The following SERINC4 variants were observed in gnomAD, a reference collection of about 807,000 sequenced individuals.
SERINC4 encodes serine incorporator 4.
A neutral mutation model predicts 52.0 loss-of-function variants in SERINC4; 52 were observed. The observed-to-expected ratio is 1.00, with a 90% CI of 0.80 to 1.26. SERINC4 has a LOEUF of 1.26. SERINC4 is among the 50% of genes most tolerant of loss of function. The pLI is 0.00. For synonymous variants in SERINC4, 264 were observed against 247.7 expected (o/e 1.07, Z -0.62); for missense variants, 723 against 632.8 (o/e 1.14, Z -1.53).
At position 43,799,063 on chromosome 15, in the gene SERINC4, A is replaced by C; in HGVS notation, c.354T>G (p.Ala118=). The stretch of plus-strand genomic sequence containing the variant: ...CGGTTCCTGCACATACTCGGTACAC[A>C]GCCCCAGAGCCACTGAGCACTGGAC... ...SDCPVLSGSG[A]VYRVCAGTAT... Residue 118 remains alanine, a synonymous_variant, in exon 3 of 12, where the codon GCT becomes GCG. Coordinates refer to ENST00000319327, the MANE Select transcript of SERINC4 (RefSeq NM_001258031.2). The C allele has an allele frequency of 1.3e-6, 2 of 1,550,552 alleles. No individual in the cohort carries two copies. The highest frequency in any genetic ancestry group is 1.7e-6 in the Non-Finnish European group (2 of 1,146,994).
At chr15:43,798,823 G>C in intron 3 of SERINC4, 136 bp downstream of exon 3, 1 of 879,528 alleles carries the variant, frequency 1.1e-6, no homozygotes, top group Non-Finnish European at 1.8e-6. Context: ...TACACAGCAA[G>C]TACACGAGAA....
At chr15:43,796,505 A>T in intron 8 of SERINC4, 111 bp downstream of exon 8, 1 of 1,208,350 alleles carries the variant, frequency 8.3e-7, no homozygotes, top group Non-Finnish European at 1.2e-6. Flanking sequence ...AGCTTTTCTC[A>T]CTCTAGTCTT....
At position 43,794,940 on chromosome 15, in the gene SERINC4, C is replaced by T. The variant is rs948780561; in HGVS notation, c.*60G>A. ...TGAGGTATTGAGCTGGGCTGGACAG[C>T]TCCCCTTGAGCCAACTCTAGGAGTA... is the stretch of plus-strand genomic sequence containing the variant. On this transcript the variant is annotated 3_prime_UTR_variant, in exon 12 of 12. Transcript: ENST00000319327. 6.6e-6 allele frequency: 9 copies of T among 1,373,786 alleles called. No homozygotes were observed. The African/African-American group carries it at 1.0e-4, about 15-fold the overall frequency. 85.1% of individuals were successfully genotyped at this position (1,373,786 alleles called of 1,614,324 possible).
Position 43,797,316 on chromosome 15 carries a change from C to G in SERINC4, c.673G>C (p.Val225Leu), listed in dbSNP as rs1029884701. 1 of 1,549,018 alleles carries G rather than the reference C, an allele frequency of 6.5e-7. No individual in the cohort carries two copies. The highest frequency in any genetic ancestry group is 1.4e-5 in the African/African-American group (1 of 72,974). The change falls in exon 6 of 12, where the codon GTC (valine) becomes CTC (leucine). Residue 225 changes from valine (V) to leucine (L), a missense_variant. Physicochemically the swap from Val to Leu is conservative, Grantham distance 32. Transcript: ENST00000319327. The stretch of plus-strand genomic sequence containing the variant: ...TAGAATCCTAGGGTGGCCAGCAGGA[C>G]AGCCAGGAACCAGCTACAGTCTTGA... Reference protein sequence around the residue: ...AAQDCSWFLAVLLATLGFYSM... With the variant: ...AAQDCSWFLALLLATLGFYSM...
In SERINC4 at chr15:43,797,034, G is replaced by C. The variant is rs1348283131; in HGVS notation, c.845-94C>G. On this transcript the variant is annotated intron_variant, in intron 6 of 11. Coordinates refer to ENST00000319327, the MANE Select transcript of SERINC4 (RefSeq NM_001258031.2). ...CTTCTGTCTCCCCATCCTTTGGTGG[G>C]GATAGGGAAGCAGAGATTCTTTTAT... 15 of 1,452,348 alleles carry C rather than the reference G, an allele frequency of 1.0e-5. 1 individual carries two copies. The highest frequency in any genetic ancestry group is 2.3e-5 in the South Asian group (2 of 86,632). 90.0% of individuals were successfully genotyped at this position (1,452,348 alleles called of 1,614,324 possible). A position where few individuals can be genotyped will look rare whatever the true frequency, so the allele number is the denominator to read the frequency against.
rs1220925371 is a variant in SERINC4, at chr15:43,795,208, T to C, written c.1349A>G (p.Glu450Gly). 6.2e-7 allele frequency: 1 copy of C among 1,613,912 alleles called. No individual in the cohort carries two copies. The change falls in exon 12 of 12, where the codon GAG (glutamate) becomes GGG (glycine). Residue 450 changes from glutamate (E) to glycine (G), a missense_variant. Coordinates refer to ENST00000319327, the MANE Select transcript of SERINC4 (RefSeq NM_001258031.2). ...MVTLTNWFSYEGAELEKTFIK... is the reference protein window; with the variant it reads ...MVTLTNWFSYGGAELEKTFIK... ...GAAGGTCTTTTCCAGTTCTGCTCCC[T>C]CATAGCTGTGTAACCAAAGGCTCTG...
chr15:43,794,651 G>A lies in SERINC4; in HGVS notation c.*349C>T, dbSNP rs1012960891. 1.3e-5 allele frequency: 3 copies of A among 227,842 alleles called. 1 individual carries two copies. Among genetic ancestry groups the A allele is most frequent in the Non-Finnish European group, 2.6e-5 (3 of 114,472 alleles). 14.1% of individuals were successfully genotyped at this position (227,842 alleles called of 1,614,324 possible). A position where few individuals can be genotyped will look rare whatever the true frequency, so the allele number is the denominator to read the frequency against. On this transcript the variant is annotated 3_prime_UTR_variant, in exon 12 of 12. Coordinates refer to ENST00000319327, the MANE Select transcript of SERINC4 (RefSeq NM_001258031.2). ...TTTTCCTTTCTCCAAGGGCAGAGCCGAGTCTTCAGTCCCTGTTGGTCTTTC... is the reference window on the plus strand; with the variant it reads ...TTTTCCTTTCTCCAAGGGCAGAGCCAAGTCTTCAGTCCCTGTTGGTCTTTC...
At position 43,796,169 on chromosome 15, in the gene SERINC4, T is replaced by G. The variant is rs200740250; in HGVS notation, c.1126A>C (p.Ser376Arg). The change falls in exon 9 of 12, where the codon AGC becomes CGC. Residue 376 changes from serine (S) to arginine (R), a missense_variant. Physicochemically the swap from Ser to Arg is moderately radical, Grantham distance 110. Transcript: ENST00000319327. ...TTTATCCTCACCTGAAACTCATAGC[T>G]GTAAACCTTGACAATCCACAGGGGT... is the stretch of plus-strand genomic sequence containing the variant. Reference protein sequence around the residue: ...FGPLWIVKVYSYEFQKPSLCF... With the variant: ...FGPLWIVKVYRYEFQKPSLCF... 3.1e-6 allele frequency: 5 copies of G among 1,613,408 alleles called. No homozygotes were observed. Among genetic ancestry groups the G allele is most frequent in the African/African-American group, 2.7e-5 (2 of 74,902 alleles).
rs753830413 is a variant in SERINC4 at position 43,799,107 on chromosome 15, G to A, written c.310C>T (p.Leu104=). 1.3e-5 allele frequency: 20 copies of A among 1,550,092 alleles called. No homozygotes were observed. The African/African-American group carries it at 2.2e-4, about 17-fold the overall frequency. The change falls in exon 3 of 12, where the codon CTG becomes TTG. Residue 104 remains leucine, a synonymous_variant. Transcript: ENST00000319327. ...ACTGGACAGTCAGAGAGGCCAAACA[G>A]GTGGGCACACAACCCCGAGGGCATC... ...IQMPSGLCAH[L]FGLSDCPVLS...
At position 43,795,249 on chromosome 15, in the gene SERINC4, G is replaced by A. The variant is rs774329869; in HGVS notation, c.1344-36C>T. 3 of 1,607,844 alleles carry A rather than the reference G, an allele frequency of 1.9e-6. No homozygotes were observed. In the African/African-American group the frequency reaches 4.0e-5, roughly 22 times the overall value. On this transcript the variant is annotated intron_variant, in intron 11 of 11. Coordinates refer to ENST00000319327, the MANE Select transcript of SERINC4 (RefSeq NM_001258031.2). ...AAAGGCTCTGGTTAGAGAATATGAA[G>A]GGCCTTAGCTTTTAGACCTGTTCTA...
At position 43,794,993 on chromosome 15, in the gene SERINC4, A is replaced by G. The variant is rs1389853821; in HGVS notation, c.*7T>C. On this transcript the variant is annotated 3_prime_UTR_variant, in exon 12 of 12. Transcript: ENST00000319327. The stretch of plus-strand genomic sequence containing the variant: ...ATGTCAGGGGAACCCCAGTTTGTGA[A>G]AAGGACTTAGACTGGAGGATATTTG... 1 of 1,601,432 alleles carries G rather than the reference A, an allele frequency of 6.2e-7. No individual in the cohort carries two copies. Among genetic ancestry groups the G allele is most frequent in the South Asian group, 1.1e-5 (1 of 90,490 alleles).
At position 43,798,210 on chromosome 15, in the gene SERINC4, C is replaced by T. The variant is rs759854740; in HGVS notation, c.539-197G>A. 64 of 607,848 alleles carry T rather than the reference C, an allele frequency of 1.1e-4. No homozygotes were observed. In the Middle Eastern group the frequency reaches 1.3e-3, roughly 13 times the overall value. 37.7% of individuals were successfully genotyped at this position (607,848 alleles called of 1,614,324 possible). On this transcript the variant is annotated intron_variant, in intron 4 of 11. Transcript: ENST00000319327. ...GATTACAGGTGCGTGCCACCATGCC[C>T]GGCTAATATTTTGTATTTTTAGTAG...
At chr15:43,796,065 T>A in intron 9 of SERINC4, 90 bp downstream of exon 9, 1 of 950,010 alleles carries the variant, frequency 1.1e-6, no homozygotes, top group Non-Finnish European at 1.7e-6. Flanking sequence ...AGCTATAATC[T>A]GAGCATTCTG....
At chr15:43,796,363 A>G in intron 8 of SERINC4, 136 bp from the exon 9 acceptor site, 1 of 765,710 alleles carries the variant, frequency 1.3e-6, no homozygotes, top group Non-Finnish European at 2.2e-6. Flanking sequence ...AAAGATTTAG[A>G]ATTCTATTCA....
In SERINC4 at chr15:43,794,839, T is replaced by C. The variant is rs2087164711; in HGVS notation, c.*161A>G. ...GAGTCAGACACTCTGCCCAGCACATTAGACTGTGTTTGACCACTTCTTCCA... is the reference window on the plus strand; with the variant it reads ...GAGTCAGACACTCTGCCCAGCACATCAGACTGTGTTTGACCACTTCTTCCA... On this transcript the variant is annotated 3_prime_UTR_variant, in exon 12 of 12. Transcript: ENST00000319327. 8.0e-6 allele frequency: 5 copies of C among 624,928 alleles called. No homozygotes were observed. Among genetic ancestry groups the C allele is most frequent in the East Asian group, 8.0e-5 (3 of 37,604 alleles). 38.7% of individuals were successfully genotyped at this position (624,928 alleles called of 1,614,324 possible).
chr15:43,798,923 C>T lies in SERINC4; in HGVS notation c.458+36G>A, dbSNP rs1338289809. 1.9e-6 allele frequency: 3 copies of T among 1,546,906 alleles called. No individual in the cohort carries two copies. In the Admixed American group the frequency reaches 5.9e-5, roughly 30 times the overall value. On this transcript the variant is annotated intron_variant, in intron 3 of 11. Coordinates refer to ENST00000319327, the MANE Select transcript of SERINC4 (RefSeq NM_001258031.2). The stretch of plus-strand genomic sequence containing the variant: ...ACCCAGCCTATGTCTACTTTCCCTC[C>T]TCTGTCCCCTCCCCACCCAGAAAGT...
In SERINC4 at chr15:43,794,328, T is replaced by C. The variant is rs906735508; in HGVS notation, c.*672A>G. 9.3e-6 allele frequency: 2 copies of C among 214,164 alleles called. No homozygotes were observed. Among genetic ancestry groups the C allele is most frequent in the African/African-American group, 4.6e-5 (2 of 43,628 alleles). The allele number at this position is 214,164 out of a possible 1,614,324, so 13.3% of individuals were successfully genotyped here. ...AGGATGGAGTTGGCCTAAGAGTGAATGCTGCAAGATCTGTGTTTATGCCTC... is the reference window on the plus strand; with the variant it reads ...AGGATGGAGTTGGCCTAAGAGTGAACGCTGCAAGATCTGTGTTTATGCCTC... On this transcript the variant is annotated 3_prime_UTR_variant, in exon 12 of 12. Transcript: ENST00000319327.
At chr15:43,796,987 T>C in intron 6 of SERINC4, 47 bp from the exon 7 acceptor site, 1 of 1,544,526 alleles carries the variant, frequency 6.5e-7, no homozygotes, top group Non-Finnish European at 8.9e-7. Context: ...GGTAATTTCC[T>C]CCATTTCTAC....
chr15:43,797,291 T>C lies in SERINC4; in HGVS notation c.698A>G (p.Tyr233Cys), dbSNP rs1288067422. The change falls in exon 6 of 12, where the codon TAC becomes TGC. Residue 233 changes from tyrosine to cysteine, a missense_variant. Coordinates refer to ENST00000319327, the MANE Select transcript of SERINC4 (RefSeq NM_001258031.2). ...LAVLLATLGF[Y>C]SMAGVGAVLL... Reference sequence around the variant, plus strand: ...CACAGCTCCCACACCTGCCATGCTGTAGAATCCTAGGGTGGCCAGCAGGAC... The same window carrying C: ...CACAGCTCCCACACCTGCCATGCTGCAGAATCCTAGGGTGGCCAGCAGGAC... 6.5e-7 allele frequency: 1 copy of C among 1,549,770 alleles called. No homozygotes were observed. Among genetic ancestry groups the C allele is most frequent in the Non-Finnish European group, 8.7e-7 (1 of 1,146,938 alleles).
Sources: gnomAD v4.1 joint callset for allele counts on GRCh38, gnomAD v4.1.1 for gene constraint, MANE v1.5 for transcripts, NCBI Gene and HGNC (gene_info 2026-07-23, HGNC 2026-07-21) for gene names.